ATP10B: variants seen among roughly 807,000 people sequenced by gnomAD.
ATP10B encodes ATPase phospholipid transporting 10B (putative).
ATP10B carries 122 observed loss-of-function variants against 141.2 expected under a neutral mutation model. That is an observed-to-expected ratio of 0.86 (90% CI 0.75 to 1.00). ATP10B has a LOEUF of 1.00. ATP10B is among the 50% of genes least tolerant of loss of function. ATP10B has a pLI of 0.00. For missense variants in ATP10B, 1,876 were observed against 1,825.3 expected (o/e 1.03, Z -0.51); for synonymous variants, 685 against 692.0 (o/e 0.99, Z 0.16).
intron 22 of ATP10B, among the ~76,000 whole-genome samples, chr5:160,593,945 C>A (rs1182495456): frequency 1.3e-5 from 2 of 152,200 alleles, no homozygotes; most frequent in Non-Finnish European, 2.9e-5. Context: ...AAGAATGGAA[C>A]TAAGCTGGAA....
At chr5:160,771,325 G>A (rs917673126) in intron 2 of ATP10B, among the ~76,000 whole-genome samples, 1 of 152,156 alleles carries the variant, frequency 6.6e-6, no homozygotes, top group Non-Finnish European at 1.5e-5. Context: ...CCTAAATACT[G>A]TCTAATAATA....
the ATP10B span, among the ~76,000 whole-genome samples, chr5:160,874,102 A>T: frequency 6.6e-6 from 1 of 152,184 alleles, no homozygotes; most frequent in African/African-American, 2.4e-5. Context: ...AAACAAAAAG[A>T]CAGCAGTAAC....
At chr5:160,682,726 G>A (rs1349871588) in intron 6 of ATP10B, among the ~76,000 whole-genome samples, 6 of 152,054 alleles carry the variant, frequency 3.9e-5, no homozygotes, top group Admixed American at 3.9e-4. Context: ...AGTGACGGTG[G>A]ATTGGTGCCA....
chr5:160,885,273 G>A, the ATP10B span, among the ~76,000 whole-genome samples: 22 of 152,202 alleles, frequency 1.4e-4, no homozygotes, highest in East Asian at 5.8e-4. Flanking sequence ...TAAGGGAAGC[G>A]GATGCAAGGA....
intron 24 of ATP10B, among the ~76,000 whole-genome samples, chr5:160,570,687 A>G (rs1754823052): frequency 6.6e-6 from 1 of 152,204 alleles, no homozygotes; most frequent in Non-Finnish European, 1.5e-5. Flanking sequence ...ATTCACTAAG[A>G]TCTACTCACA....
chr5:160,825,770 T>C (rs961265544), intron 1 of ATP10B, among the ~76,000 whole-genome samples: 7 of 152,164 alleles, frequency 4.6e-5, no homozygotes, highest in African/African-American at 1.7e-4. Context: ...TAGTACCCAA[T>C]AGGTTGTTTT....
chr5:160,705,125 A>G (rs2127765152), intron 3 of ATP10B, among the ~76,000 whole-genome samples: 1 of 151,634 alleles, frequency 6.6e-6, no homozygotes, highest in Non-Finnish European at 1.5e-5. Context: ...TCACTGTGTT[A>G]GCCAGGATGG....
chr5:160,620,568 T>C lies in ATP10B; in HGVS notation c.2195A>G (p.His732Arg). The change falls in exon 15 of 26, where the codon CAT becomes CGT. Residue 732 changes from histidine (H) to arginine (R), a missense_variant. By Grantham distance (29) the His-to-Arg change is conservative. Transcript: ENST00000327245. The stretch of plus-strand genomic sequence containing the variant: ...GGACACTAGTGTGAAGCTGTAGGCA[T>C]GGGCAGCGTGCACCAGGGCGGCCTC... ...PDEAALVHAA[H>R]AYSFTLVSRT... 1 of 1,613,918 alleles carries C rather than the reference T, an allele frequency of 6.2e-7. No homozygotes were observed. The highest frequency in any genetic ancestry group is 8.5e-7 in the Non-Finnish European group (1 of 1,179,828).
chr5:160,869,048 C>T, the ATP10B span, among the ~76,000 whole-genome samples: 2 of 152,140 alleles, frequency 1.3e-5, no homozygotes, highest in African/African-American at 4.8e-5. Context: ...TTGAAAGCTA[C>T]TTTATCTGTC....
the ATP10B span, among the ~76,000 whole-genome samples, chr5:160,890,031 A>C: frequency 6.6e-6 from 1 of 151,674 alleles, no homozygotes; most frequent in East Asian, 1.9e-4. Context: ...GCCTTCCCTG[A>C]CTCCCTCCTG....
intron 3 of ATP10B, among the ~76,000 whole-genome samples, chr5:160,703,180 A>G (rs1018270062): frequency 1.3e-5 from 2 of 152,122 alleles, no homozygotes; most frequent in African/African-American, 4.8e-5. Flanking sequence ...ATTTATAATA[A>G]TTTATTATGT....
At chr5:160,741,045 G>T (rs1767436835) in intron 2 of ATP10B, among the ~76,000 whole-genome samples, 1 of 152,174 alleles carries the variant, frequency 6.6e-6, no homozygotes, top group Non-Finnish European at 1.5e-5. Context: ...TCTTTAATAA[G>T]TTGCATATTT....
At chr5:160,855,710 T>G (rs1046960608), upstream of ATP10B, among the ~76,000 whole-genome samples, 2 of 151,912 alleles carry the variant, frequency 1.3e-5, no homozygotes, top group Non-Finnish European at 2.9e-5. Flanking sequence ...TCTAAAAATT[T>G]TATAATTTTA....
At chr5:160,899,382 G>A in the ATP10B span, among the ~76,000 whole-genome samples, 1 of 152,096 alleles carries the variant, frequency 6.6e-6, no homozygotes, top group African/African-American at 2.4e-5. Flanking sequence ...TCATGTAGAA[G>A]GCTTTTGGGA....
At chr5:160,574,088 A>G (rs1755046359) in intron 24 of ATP10B, among the ~76,000 whole-genome samples, 1 of 152,200 alleles carries the variant, frequency 6.6e-6, no homozygotes, top group Non-Finnish European at 1.5e-5. Context: ...TTATGCTTTA[A>G]CATCTTTAAC....
rs757849172 is a variant in ATP10B at position 160,591,057 on chromosome 5, A to G, written c.3645+2T>C. 5.6e-6 allele frequency: 9 copies of G among 1,612,560 alleles called. No individual in the cohort carries two copies. The highest frequency in any genetic ancestry group is 7.6e-6 in the Non-Finnish European group (9 of 1,179,078). ...TGGTTAGAATGGGACTACATGACTT[A>G]CCAGGTAAGGGATAAAGAAACAGAT... On this transcript the variant is annotated splice_donor_variant, in intron 23 of 25. Coordinates refer to ENST00000327245, the MANE Select transcript of ATP10B (RefSeq NM_025153.3). LOFTEE classifies it high-confidence loss of function.
Position 160,785,750 on chromosome 5 carries a change from C to T in ATP10B, c.-522G>A. ...AAACTACTTACTCTTCACACTGTTGCTTTCATTGAAACAAATGTCACCAGT... is the reference window on the plus strand; with the variant it reads ...AAACTACTTACTCTTCACACTGTTGTTTTCATTGAAACAAATGTCACCAGT... On this transcript the variant is annotated 5_prime_UTR_variant, in exon 2 of 26. Transcript: ENST00000327245. The T allele has an allele frequency of 8.5e-7, 1 of 1,178,074 alleles. No homozygotes were observed. The allele number at this position is 1,178,074 out of a possible 1,614,324, so 73.0% of individuals were successfully genotyped here.
chr5:160,623,840 T>G (rs1758481234), intron 13 of ATP10B, among the ~76,000 whole-genome samples: 1 of 152,208 alleles, frequency 6.6e-6, no homozygotes, highest in Non-Finnish European at 1.5e-5. Flanking sequence ...GGCATCTTGC[T>G]TTGGCCTGTA....
At chr5:160,808,609 C>G (rs1237811062) in intron 1 of ATP10B, among the ~76,000 whole-genome samples, 1 of 152,154 alleles carries the variant, frequency 6.6e-6, no homozygotes, top group Non-Finnish European at 1.5e-5. Flanking sequence ...ATTCTCTCTC[C>G]CTGGAATGTT....
Sources: gnomAD v4.1 joint callset for allele counts (sites outside exome capture counted in the v4.1 genomes callset) on GRCh38, gnomAD v4.1.1 for gene constraint, MANE v1.5 for transcripts, NCBI Gene and HGNC (gene_info 2026-07-23, HGNC 2026-07-21) for gene names.